The following TDRD9 variants were observed in gnomAD, a reference collection of about 807,000 sequenced individuals.
TDRD9 encodes ATP-dependent RNA helicase TDRD9.
Under a neutral mutation model 172.6 loss-of-function variants are expected in TDRD9, and 124 were observed. The observed-to-expected ratio is 0.72, with a 90% CI of 0.62 to 0.83. The LOEUF is 0.83. Ranked by LOEUF, TDRD9 falls within the 40% of genes least tolerant of loss-of-function variation. The pLI, the probability that TDRD9 is intolerant of heterozygous loss-of-function variation, is 0.00. For missense variants in TDRD9, 1,479 were observed against 1,714.1 expected, an observed-to-expected ratio of 0.86 and a Z score of 2.42; for synonymous variants, 619 against 617.1, an observed-to-expected ratio of 1.00 and a Z score of -0.05.
In TDRD9 at chr14:103,975,522, T is replaced by C. The variant is rs1259928476; in HGVS notation, c.980T>C (p.Leu327Pro). 1 of 1,611,626 alleles carries C rather than the reference T, an allele frequency of 6.2e-7. No homozygotes were observed. The highest frequency in any genetic ancestry group is 2.2e-5 in the East Asian group (1 of 44,864). ...GKPHSVEEYY[L>P]NDLEHIHHSK... ...CCCCATTCAGTTGAAGAGTATTATC[T>C]TAATGATTTGGAGCACATTCATCAT... The change falls in exon 7 of 36, where the codon CTT (leucine) becomes CCT (proline). Residue 327 changes from leucine (L) to proline (P), a missense_variant. Leu to Pro is a moderately conservative substitution (Grantham distance 98). Around this residue, in one of 3 missense-constraint regions of TDRD9, gnomAD observed 1,413 missense variants for 1,649.1 expected, o/e 0.86. Transcript: ENST00000409874.
At chr14:104,020,825 G>A (rs1689519790) in intron 23 of TDRD9, among the ~76,000 whole-genome samples, 1 of 152,140 alleles carries the variant, frequency 6.6e-6, no homozygotes, top group African/African-American at 2.4e-5. Flanking sequence ...ATTAGAACTT[G>A]CATGCATAGC....
chr14:104,003,519 A>G (rs892770649), intron 13 of TDRD9, among the ~76,000 whole-genome samples: 2 of 152,220 alleles, frequency 1.3e-5, no homozygotes, highest in Admixed American at 6.5e-5. Flanking sequence ...CTAGATCCCC[A>G]TAGGTGGGGA....
Position 104,025,602 on chromosome 14 carries a change from T to C in TDRD9, c.2757T>C (p.Asp919=). The change falls in exon 26 of 36, where the codon GAT becomes GAC. Residue 919 remains aspartate (D), a synonymous_variant. Transcript: ENST00000409874. The part of the protein sequence containing the change: ...EVGHFWGYRI[D]ENNSEILKKL... ...GACACTTTTGGGGATACAGGATTGA[T>C]GAAAACAACTCAGAGATTCTGAAAA... is the stretch of plus-strand genomic sequence containing the variant. The C allele has an allele frequency of 6.2e-7, 1 of 1,614,006 alleles. No homozygotes were observed. Among genetic ancestry groups the C allele is most frequent in the Non-Finnish European group, 8.5e-7 (1 of 1,179,886 alleles).
Position 103,994,363 on chromosome 14 carries a change from T to C in TDRD9, c.1212T>C (p.Leu404=), listed in dbSNP as rs775541599. The change falls in exon 10 of 36, where the codon CTT becomes CTC. Residue 404 remains leucine (L), a synonymous_variant. Transcript: ENST00000409874. ...GTGAAATAAATTATATGCATGAACT[T>C]CTCACAAGCCTGGTTCATAAAAGGT... ...GLGEINYMHE[L]LTSLVHKRLQ... 3.1e-6 allele frequency: 5 copies of C among 1,613,776 alleles called. No individual in the cohort carries two copies. The highest frequency in any genetic ancestry group is 4.2e-6 in the Non-Finnish European group (5 of 1,179,732).
At chr14:104,046,906 A>T (rs1256571354) in intron 34 of TDRD9, among the ~76,000 whole-genome samples, 1 of 152,174 alleles carries the variant, frequency 6.6e-6, no homozygotes, top group African/African-American at 2.4e-5. Context: ...TCGGCCTCCC[A>T]AAGTGCTGGG....
At chr14:104,028,062 G>T (rs908474508) in intron 28 of TDRD9, among the ~76,000 whole-genome samples, 1 of 152,098 alleles carries the variant, frequency 6.6e-6, no homozygotes, top group African/African-American at 2.4e-5. Context: ...ATTTTATTCT[G>T]TATATACTGC....
intron 1 of TDRD9, among the ~76,000 whole-genome samples, chr14:103,932,199 G>T (rs1195836575): frequency 6.6e-6 from 1 of 152,216 alleles, no homozygotes; most frequent in East Asian, 1.9e-4. Context: ...TGTTGAGGCA[G>T]CACTGCATTA....
chr14:104,001,612 T>C (rs2034263279), intron 13 of TDRD9, among the ~76,000 whole-genome samples: 1 of 152,104 alleles, frequency 6.6e-6, no homozygotes, highest in Non-Finnish European at 1.5e-5. Context: ...ATGTTTAGTT[T>C]CTTTTGTTTT....
intron 1 of TDRD9, among the ~76,000 whole-genome samples, chr14:103,954,122 A>G (rs2032080584): frequency 6.6e-6 from 1 of 152,338 alleles, no homozygotes; most frequent in Middle Eastern, 3.4e-3. Context: ...CATATAATAC[A>G]TATCACAATT....
chr14:104,025,453 G>A, intron 25 of TDRD9, 111 bp from the exon 26 acceptor site: 1 of 763,486 alleles, frequency 1.3e-6, no homozygotes, highest in Non-Finnish European at 2.1e-6. Context: ...GAGGATTAAC[G>A]CTGGTGAGGT....
At chr14:103,986,120 A>T in intron 7 of TDRD9, 97 bp from the exon 8 acceptor site, 1 of 798,004 alleles carries the variant, frequency 1.3e-6, no homozygotes, top group Non-Finnish European at 2.1e-6. Context: ...AGTTTGTTAC[A>T]GTGTTGTACT....
intron 32 of TDRD9, among the ~76,000 whole-genome samples, chr14:104,036,393 C>T (rs2035450828): frequency 1.3e-5 from 2 of 152,142 alleles, no homozygotes; most frequent in South Asian, 4.1e-4. Context: ...TCTGTAAGTT[C>T]AGGCGTCTTG....
At chr14:103,976,051 G>A (rs1273328147) in intron 7 of TDRD9, among the ~76,000 whole-genome samples, 1 of 151,914 alleles carries the variant, frequency 6.6e-6, no homozygotes, top group African/African-American at 2.4e-5. Context: ...CCCCTTCCCA[G>A]CCTCTAGTAA....
intron 7 of TDRD9, among the ~76,000 whole-genome samples, chr14:103,981,640 A>G (rs182691317): frequency 6.6e-6 from 1 of 152,306 alleles, no homozygotes; most frequent in Admixed American, 6.5e-5. Flanking sequence ...ATTAAGTTGA[A>G]AATGCATTTA....
In TDRD9 at chr14:103,967,316, A is replaced by G. The variant is rs548120504; in HGVS notation, c.765+485A>G. Among the ~76,000 whole-genome samples the G allele has an allele frequency of 6.2e-4, 92 of 148,152 alleles. 5 individuals carry two copies. The South Asian group carries it at 0.018, about 29-fold the overall frequency. On this transcript the variant is annotated intron_variant, in intron 5 of 35. Transcript: ENST00000409874. ...TCAGGAGTTCGAGACCAACCTGGCC[A>G]ACATGGTGAAACCCATCTCTACTAA...
At chr14:104,004,514 G>A (rs2034372807) in intron 14 of TDRD9, among the ~76,000 whole-genome samples, 179 bp downstream of exon 14, 1 of 152,076 alleles carries the variant, frequency 6.6e-6, no homozygotes, top group Admixed American at 6.6e-5. Flanking sequence ...AAGTAGCTGG[G>A]ATTACAGGCA....
At position 103,963,195 on chromosome 14, in the gene TDRD9, A is replaced by G; in HGVS notation, c.420+19A>G. 1 of 1,512,610 alleles carries G rather than the reference A, an allele frequency of 6.6e-7. No homozygotes were observed. The highest frequency in any genetic ancestry group is 1.4e-5 in the African/African-American group (1 of 72,004). The allele number at this position is 1,512,610 out of a possible 1,614,324, so 93.7% of individuals were successfully genotyped here. A position where few individuals can be genotyped will look rare whatever the true frequency, so the allele number is the denominator to read the frequency against. ...GGAAGAGGTAAAATTGTTTTGTTAT[A>G]CTGTAATTTTGCTGTTTGAATACAT... On this transcript the variant is annotated intron_variant, in intron 3 of 35. Transcript: ENST00000409874.
chr14:103,931,590 T>C (rs1373365333), intron 1 of TDRD9, among the ~76,000 whole-genome samples: 1 of 152,210 alleles, frequency 6.6e-6, no homozygotes, highest in Non-Finnish European at 1.5e-5. Context: ...ATTTTGTAGA[T>C]GAAGCAATAG....
intron 26 of TDRD9, 33 bp from the exon 27 acceptor site, chr14:104,026,014 C>A: frequency 7.0e-7 from 1 of 1,419,382 alleles, no homozygotes; most frequent in South Asian, 1.2e-5. Context: ...TTTTTGACCC[C>A]GTCGTAAAGT....
Sources: gnomAD v4.1 joint callset for allele counts (sites outside exome capture counted in the v4.1 genomes callset) on GRCh38, gnomAD v4.1.1 for gene constraint, gnomAD v4.1.1 regional missense constraint, MANE v1.5 for transcripts, NCBI Gene and HGNC (gene_info 2026-07-23, HGNC 2026-07-21) for gene names.